Variants in ZCCHC14 observed in about 807,000 individuals in gnomAD.
The protein encoded by ZCCHC14 is zinc finger CCHC domain-containing protein 14.
ZCCHC14 carries 16 observed loss-of-function variants against 85.0 expected under a neutral mutation model. That is an observed-to-expected ratio of 0.19 (90% CI 0.13 to 0.29). ZCCHC14 has a LOEUF of 0.29. Ranked by LOEUF, ZCCHC14 falls within the 10% of genes least tolerant of loss-of-function variation. The pLI, the probability that ZCCHC14 is intolerant of heterozygous loss-of-function variation, is 1.00. For missense variants in ZCCHC14, 1,303 were observed against 1,443.5 expected (o/e 0.90, Z 1.58); for synonymous variants, 775 against 630.7 (o/e 1.23, Z -3.43).
At chr16:87,471,405 TTTC>T in intron 1 of ZCCHC14, 1 of 152,342 alleles carries the variant, frequency 6.6e-6, no homozygotes, top group South Asian at 2.1e-4. Context: ...CCTTTTAATA[TTTC>T]TTAACCTAGA....
rs547853765 is a variant in ZCCHC14 at position 87,491,189 on chromosome 16, G to C, written c.570+480C>G. On this transcript the variant is annotated intron_variant, in intron 1 of 12. Transcript: ENST00000671377. This position sits in a 1 kb window ranked among gnomAD's most constrained non-coding sequence, Gnocchi z 5.9. ...GCACCTGGGACTGTGAGCTCTGACC[G>C]CGGACGTCTCCCGCACCGCTCCCGC... Among the ~76,000 whole-genome samples, 1 of 152,248 alleles carries C rather than the reference G, an allele frequency of 6.6e-6. No homozygotes were observed. Among genetic ancestry groups the C allele is most frequent in the Non-Finnish European group, 1.5e-5 (1 of 68,036 alleles).
chr16:87,436,082 T>C (rs1909906102), intron 2 of ZCCHC14, among the ~76,000 whole-genome samples: 1 of 152,022 alleles, frequency 6.6e-6, no homozygotes, highest in Admixed American at 6.5e-5. Flanking sequence ...ACAAACACCA[T>C]GTGTACCTCA....
rs115887088 is a variant in ZCCHC14, at chr16:87,457,603, T to G, written c.694+2405A>C. On this transcript the variant is annotated intron_variant, in intron 2 of 12. Transcript: ENST00000671377. ...CCTAACCTTTTACATACTAAGAAATTTTTTAAATGTCTGACCACTCTATAA... is the reference window on the plus strand; with the variant it reads ...CCTAACCTTTTACATACTAAGAAATGTTTTAAATGTCTGACCACTCTATAA... Among the ~76,000 whole-genome samples the G allele has an allele frequency of 4.6e-3, 698 of 152,352 alleles. 3 individuals are homozygous for G. Among genetic ancestry groups the G allele is most frequent in the African/African-American group, 0.015 (642 of 41,576 alleles).
chr16:87,465,571 G>A (rs757273953), intron 1 of ZCCHC14, among the ~76,000 whole-genome samples: 7 of 152,208 alleles, frequency 4.6e-5, no homozygotes, highest in Non-Finnish European at 7.3e-5. Context: ...GACTTGGGCA[G>A]CCCGCCTCTG....
intron 3 of ZCCHC14, among the ~76,000 whole-genome samples, chr16:87,427,632 G>A (rs1336528866): frequency 1.3e-5 from 2 of 152,056 alleles, no homozygotes; most frequent in African/African-American, 4.8e-5. Context: ...TATTAGTATT[G>A]TTTTATCATT....
rs1024748132 is a variant in ZCCHC14 at position 87,420,256 on chromosome 16, G to A, written c.950+351C>T. ...GTGCCACGTGAGCCAAGACACGATCGAGGGTCCAGAGAAACTGTTTAAGAG... is the reference window on the plus strand; with the variant it reads ...GTGCCACGTGAGCCAAGACACGATCAAGGGTCCAGAGAAACTGTTTAAGAG... On this transcript the variant is annotated intron_variant, in intron 5 of 12. Coordinates refer to ENST00000671377, the MANE Select transcript of ZCCHC14 (RefSeq NM_015144.3). This position sits in a 1 kb window ranked among gnomAD's most constrained non-coding sequence, Gnocchi z 5.0. Among the ~76,000 whole-genome samples the A allele has an allele frequency of 2.0e-5, 3 of 152,132 alleles. No homozygotes were observed. The highest frequency in any genetic ancestry group is 4.4e-5 in the Non-Finnish European group (3 of 68,056).
intron 8 of ZCCHC14, 69 bp downstream of exon 8, chr16:87,417,391 A>G: frequency 1.3e-6 from 2 of 1,563,350 alleles, no homozygotes; most frequent in Non-Finnish European, 1.7e-6. Context: ...TTGGAAACTC[A>G]ATGCCCCCAG....
intron 1 of ZCCHC14, among the ~76,000 whole-genome samples, chr16:87,461,917 T>C (rs1178277843): frequency 6.6e-6 from 1 of 152,194 alleles, no homozygotes; most frequent in East Asian, 1.9e-4. Flanking sequence ...GCTCAACAGA[T>C]GCCTTCCAAG....
intron 1 of ZCCHC14, chr16:87,467,664 T>C (rs1342110581): frequency 5.6e-6 from 5 of 887,642 alleles, no homozygotes; most frequent in African/African-American, 3.3e-5. Context: ...GGTTTCTTTT[T>C]CTTTTGAGAT....
chr16:87,420,402 T>TC lies in ZCCHC14; in HGVS notation c.950+204dup, dbSNP rs895163844. Among the ~76,000 whole-genome samples the TC allele has an allele frequency of 6.6e-6, 1 of 152,188 alleles. No individual in the cohort carries two copies. On this transcript the variant is annotated intron_variant, in intron 5 of 12. Coordinates refer to ENST00000671377, the MANE Select transcript of ZCCHC14 (RefSeq NM_015144.3). The surrounding 1 kb of genome is among the most constrained non-coding windows in gnomAD (Gnocchi z 5.0). ...GGTGGGACCCACCCTGGAATTCCCT[T>TC]CCTCACACACTCAGAACCACTCTCA...
intron 2 of ZCCHC14, among the ~76,000 whole-genome samples, chr16:87,458,080 C>A (rs573366018): frequency 7.0e-6 from 1 of 142,784 alleles, no homozygotes; most frequent in Non-Finnish European, 1.5e-5. Context: ...GACAGATACT[C>A]GCTACTTTGA....
At chr16:87,461,336 A>G (rs536653623) in intron 1 of ZCCHC14, among the ~76,000 whole-genome samples, 1 of 152,346 alleles carries the variant, frequency 6.6e-6, no homozygotes, top group South Asian at 2.1e-4. Flanking sequence ...TTCACAGCCA[A>G]AACACATTTA....
intron 6 of ZCCHC14, 131 bp downstream of exon 6, chr16:87,419,652 T>C: frequency 1.5e-6 from 1 of 649,746 alleles, no homozygotes; most frequent in Non-Finnish European, 2.4e-6. Flanking sequence ...GTCAGGCTGG[T>C]CTTGAACTCC....
intron 1 of ZCCHC14, among the ~76,000 whole-genome samples, chr16:87,463,230 A>G (rs1911358003): frequency 6.6e-6 from 1 of 152,080 alleles, no homozygotes; most frequent in African/African-American, 2.4e-5. Context: ...AAAAACACAA[A>G]AATTAGCTGG....
rs1221713220 is a variant in ZCCHC14 at position 87,492,265 on chromosome 16, C to T, written c.-27G>A. 1 of 979,990 alleles carries T rather than the reference C, an allele frequency of 1.0e-6. No individual in the cohort carries two copies. The highest frequency in any genetic ancestry group is 1.2e-6 in the Non-Finnish European group (1 of 828,004). 60.7% of individuals were successfully genotyped at this position (979,990 alleles called of 1,614,324 possible). ...CTGCCGCCCGCGCCGCGCCGCGACC[C>T]GGGGCCGGGGACCGCGCGGGGGCGG... On this transcript the variant is annotated 5_prime_UTR_variant, in exon 1 of 13. Transcript: ENST00000671377. This position sits in a 1 kb window ranked among gnomAD's most constrained non-coding sequence, Gnocchi z 6.7.
intron 2 of ZCCHC14, among the ~76,000 whole-genome samples, chr16:87,449,814 G>A (rs1910610315): frequency 6.6e-6 from 1 of 152,184 alleles, no homozygotes; most frequent in African/African-American, 2.4e-5. Flanking sequence ...GGAGGCCGAG[G>A]TGGGTGGATG....
At chr16:87,460,186 C>A (rs537790717) in intron 1 of ZCCHC14, 55 bp from the exon 2 acceptor site, 2 of 1,578,976 alleles carry the variant, frequency 1.3e-6, no homozygotes, top group South Asian at 1.1e-5. Flanking sequence ...TAATAGGGGA[C>A]AATTTTATTT....
In ZCCHC14 at chr16:87,487,558, G is replaced by T. The variant is rs1260996424; in HGVS notation, c.570+4111C>A. Among the ~76,000 whole-genome samples, 6 of 152,218 alleles carry T rather than the reference G, an allele frequency of 3.9e-5. No homozygotes were observed. In the East Asian group the frequency reaches 1.2e-3, roughly 29 times the overall value. Reference sequence around the variant, plus strand: ...CCACACCTACACAGCTCTGCACACGGCACCTAGCAATCCACCAGGTGGAAC... The same window carrying T: ...CCACACCTACACAGCTCTGCACACGTCACCTAGCAATCCACCAGGTGGAAC... On this transcript the variant is annotated intron_variant, in intron 1 of 12. Coordinates refer to ENST00000671377, the MANE Select transcript of ZCCHC14 (RefSeq NM_015144.3).
intron 1 of ZCCHC14, chr16:87,471,030 ACTTTC>A (rs753151741): frequency 2.0e-5 from 3 of 152,114 alleles, no homozygotes; most frequent in Non-Finnish European, 4.4e-5. Flanking sequence ...CCATAACCAC[ACTTTC>A]CTTCCACACA....
Sources: allele counts gnomAD v4.1 joint callset (sites outside exome capture counted in the v4.1 genomes callset), GRCh38; gene constraint gnomAD v4.1.1; non-coding constraint Gnocchi (gnomAD v3.1); transcripts MANE v1.5; gene names NCBI Gene and HGNC (gene_info 2026-07-23, HGNC 2026-07-21).